The following SLC39A11 variants were observed in gnomAD, a reference collection of about 807,000 sequenced individuals.
The protein encoded by SLC39A11 is zinc transporter ZIP11.
Under a neutral mutation model 36.1 loss-of-function variants are expected in SLC39A11, and 33 were observed. That is an observed-to-expected ratio of 0.91 (90% CI 0.69 to 1.22). The LOEUF (loss-of-function observed/expected upper bound fraction) is 1.22. Ranked by LOEUF, SLC39A11 falls within the 50% of genes most tolerant of loss-of-function variation. SLC39A11 has a pLI of 0.00. For synonymous variants in SLC39A11, 166 were observed against 170.3 expected (o/e 0.97, Z 0.20); for missense variants, 432 against 430.3 (o/e 1.00, Z -0.03).
chr17:72,872,338 G>A (rs2080676547), intron 5 of SLC39A11, among the ~76,000 whole-genome samples: 1 of 152,144 alleles, frequency 6.6e-6, no homozygotes, highest in South Asian at 2.1e-4. Flanking sequence ...CAGGGGCGTT[G>A]GAAGGTCATC....
chr17:72,971,336 A>ACACCCTCT (rs1555657685), intron 4 of SLC39A11, among the ~76,000 whole-genome samples: 1 of 143,412 alleles, frequency 7.0e-6, no homozygotes, highest in African/African-American at 2.6e-5. Context: ...ACACACACAC[A>ACACCCTCT]CTCTCTCTCT....
At chr17:72,724,591 C>T (rs2073846155) in intron 7 of SLC39A11, among the ~76,000 whole-genome samples, 1 of 152,002 alleles carries the variant, frequency 6.6e-6, no homozygotes, top group Non-Finnish European at 1.5e-5. Flanking sequence ...AGGAAAGAGC[C>T]CCAGGGTTCA....
intron 6 of SLC39A11, among the ~76,000 whole-genome samples, chr17:72,737,261 G>T (rs1026549313): frequency 5.4e-5 from 8 of 148,062 alleles, no homozygotes; most frequent in Non-Finnish European, 1.0e-4. Context: ...GGGTGACAAA[G>T]TGAGACTCTG....
chr17:72,967,400 G>GAGAGAGAGAGTA (rs1491530382), intron 4 of SLC39A11, among the ~76,000 whole-genome samples: 7 of 101,490 alleles, frequency 6.9e-5, no homozygotes, highest in Admixed American at 6.8e-4. Flanking sequence ...GAGAGAGAGA[G>GAGAGAGAGAGTA]TGTGTGTGTG....
chr17:72,761,020 G>A (rs1056529471), intron 6 of SLC39A11, among the ~76,000 whole-genome samples: 1 of 152,166 alleles, frequency 6.6e-6, no homozygotes. Flanking sequence ...GACTCTGACC[G>A]CATCTATGGA....
chr17:72,886,003 T>C (rs140048634), intron 5 of SLC39A11, among the ~76,000 whole-genome samples: 158 of 152,316 alleles, frequency 1.0e-3, no homozygotes, highest in Non-Finnish European at 1.6e-3. Context: ...TTTCAGCATT[T>C]CTTTCACATG....
rs1476786199 is a variant in SLC39A11, at chr17:72,947,872, C to T, written c.310G>A (p.Ala104Thr). 6.2e-7 allele frequency: 1 copy of T among 1,613,586 alleles called. No individual in the cohort carries two copies. Among genetic ancestry groups the T allele is most frequent in the Non-Finnish European group, 8.5e-7 (1 of 1,180,040 alleles). ...AGGGTCGTCTGGGGGTCTTCTGCTGCACCCTGAAACAAGAAGCGGTAACAT... is the reference window on the plus strand; with the variant it reads ...AGGGTCGTCTGGGGGTCTTCTGCTGTACCCTGAAACAAGAAGCGGTAACAT... ...LADLLMPHLGAAEDPQTTLAL... is the reference protein window; with the variant it reads ...LADLLMPHLGTAEDPQTTLAL... Residue 104 changes from alanine to threonine, a missense_variant, in exon 5 of 10, where the codon GCA becomes ACA. Physicochemically the swap from Ala to Thr is moderately conservative, Grantham distance 58. Transcript: ENST00000255559.
At chr17:72,849,240 C>T (rs1002227390) in intron 6 of SLC39A11, among the ~76,000 whole-genome samples, 1 of 152,140 alleles carries the variant, frequency 6.6e-6, no homozygotes, top group South Asian at 2.1e-4. Flanking sequence ...TGTAAGTGAA[C>T]TCACGTAGTT....
Position 72,820,728 on chromosome 17 carries a change from A to G in SLC39A11, c.601+28906T>C, listed in dbSNP as rs1239696094. On this transcript the variant is annotated intron_variant, in intron 6 of 9. Coordinates refer to ENST00000255559, the MANE Select transcript of SLC39A11 (RefSeq NM_139177.4). ...GGGTGAGATGAGAGATGTTTCCCGT[A>G]AAGATGCCCTGGAGCTGGGTGCTAA... 4.0e-5 allele frequency among the ~76,000 whole-genome samples: 6 copies of G among 151,136 alleles called. 1 individual carries two copies. Among genetic ancestry groups the G allele is most frequent in the Admixed American group, 4.0e-4 (6 of 15,170 alleles).
intron 3 of SLC39A11, among the ~76,000 whole-genome samples, chr17:73,064,307 C>G (rs931717868): frequency 1.3e-5 from 2 of 151,508 alleles, no homozygotes; most frequent in Admixed American, 6.6e-5. Context: ...CAGCAAAGAT[C>G]AGCTTCCACC....
At chr17:72,832,906 G>A (rs142005958) in intron 6 of SLC39A11, among the ~76,000 whole-genome samples, 1 of 152,274 alleles carries the variant, frequency 6.6e-6, no homozygotes, top group African/African-American at 2.4e-5. Flanking sequence ...GGGAAAAATG[G>A]GGCCACCTCA....
intron 6 of SLC39A11, chr17:72,823,994 T>A (rs2145598845): frequency 6.6e-6 from 1 of 150,988 alleles, no homozygotes; most frequent in East Asian, 1.9e-4. Context: ...TTCAGAAAAA[T>A]TTTTTCAATG....
intron 4 of SLC39A11, among the ~76,000 whole-genome samples, chr17:73,026,534 A>AAG (rs761535316): frequency 0.02 from 2,992 of 148,274 alleles, 41 homozygotes; most frequent in East Asian, 0.031. Context: ...AAAAAAAAAA[A>AAG]GAAAGAAAGA....
chr17:72,992,304 A>C (rs1249406595), intron 4 of SLC39A11, among the ~76,000 whole-genome samples: 3 of 152,234 alleles, frequency 2.0e-5, no homozygotes, highest in African/African-American at 7.2e-5. Flanking sequence ...CAGTGAGCCG[A>C]GATCACGCCA....
chr17:72,910,271 T>A (rs1047824490), intron 5 of SLC39A11, among the ~76,000 whole-genome samples: 6 of 152,168 alleles, frequency 3.9e-5, no homozygotes, highest in African/African-American at 1.2e-4. Context: ...TATACTCATA[T>A]AACAAACATG....
intron 5 of SLC39A11, among the ~76,000 whole-genome samples, chr17:72,902,867 A>C (rs2082463088): frequency 6.6e-6 from 1 of 152,110 alleles, no homozygotes; most frequent in South Asian, 2.1e-4. Context: ...ACTATTATAG[A>C]GTGGATCTTG....
At chr17:73,054,338 A>G (rs978630880) in intron 3 of SLC39A11, among the ~76,000 whole-genome samples, 3 of 149,890 alleles carry the variant, frequency 2.0e-5, no homozygotes, top group Non-Finnish European at 4.5e-5. Context: ...CCAGCCTGGG[A>G]GCTGGACCAA....
chr17:72,943,834 A>C (rs1289810236), intron 5 of SLC39A11, among the ~76,000 whole-genome samples: 2 of 152,214 alleles, frequency 1.3e-5, no homozygotes, highest in Non-Finnish European at 2.9e-5. Context: ...TTCAACTTTT[A>C]TGTAACAAAG....
At chr17:72,786,441 C>T (rs556037074) in intron 6 of SLC39A11, among the ~76,000 whole-genome samples, 37 of 152,330 alleles carry the variant, frequency 2.4e-4, no homozygotes, top group African/African-American at 7.9e-4. Flanking sequence ...ACATACATGT[C>T]TTATTTTATA....
Sources: gnomAD v4.1 joint callset for allele counts (sites outside exome capture counted in the v4.1 genomes callset) on GRCh38, gnomAD v4.1.1 for gene constraint, MANE v1.5 for transcripts, NCBI Gene and HGNC (gene_info 2026-07-23, HGNC 2026-07-21) for gene names.